The following SAMD12 variants were observed in gnomAD, a reference collection of about 807,000 sequenced individuals.
SAMD12 encodes the protein sterile alpha motif domain containing 12.
In SAMD12, 9 loss-of-function variants were observed where a neutral mutation model predicts 15.0. That is an observed-to-expected ratio of 0.60 (90% confidence interval 0.36 to 1.05). The LOEUF is 1.05. SAMD12 is among the 50% of genes least tolerant of loss of function. The probability of loss-of-function intolerance (pLI) is 0.01; values close to 1 mark genes in which losing one functional copy is unlikely to be tolerated. For missense variants in SAMD12, 230 were observed against 234.2 expected (o/e 0.98, Z 0.12); for synonymous variants, 86 against 90.1 (o/e 0.96, Z 0.25).
intron 2 of SAMD12, among the ~76,000 whole-genome samples, chr8:118,552,581 A>C (rs1035043480): frequency 3.9e-5 from 6 of 152,238 alleles, no homozygotes; most frequent in African/African-American, 1.4e-4. Context: ...ATCATATTGA[A>C]TGGGCAAAAA....
intron 2 of SAMD12, among the ~76,000 whole-genome samples, chr8:118,531,476 T>C (rs559296143): frequency 7.9e-5 from 12 of 152,330 alleles, no homozygotes; most frequent in African/African-American, 2.9e-4. Context: ...AAGTCATTGA[T>C]AGCTTGATGG....
chr8:118,336,124 T>G (rs1471587985), intron 4 of SAMD12, among the ~76,000 whole-genome samples: 1 of 152,230 alleles, frequency 6.6e-6, no homozygotes, highest in Non-Finnish European at 1.5e-5. Context: ...TTGGCATCAG[T>G]AATCTGATGC....
At chr8:118,467,450 T>G (rs1823627383) in intron 2 of SAMD12, among the ~76,000 whole-genome samples, 1 of 152,230 alleles carries the variant, frequency 6.6e-6, no homozygotes, top group Admixed American at 6.5e-5. Context: ...TTTTGTTTTA[T>G]ATTTCAAAAG....
At chr8:118,166,193 G>GT in the SAMD12 span, among the ~76,000 whole-genome samples, 3 of 152,100 alleles carry the variant, frequency 2.0e-5, no homozygotes, top group Admixed American at 2.0e-4. Context: ...GGTCAAAAAT[G>GT]GATATAAGGG....
chr8:118,497,502 T>A (rs557679908), intron 2 of SAMD12, among the ~76,000 whole-genome samples: 5 of 151,994 alleles, frequency 3.3e-5, no homozygotes, highest in Non-Finnish European at 5.9e-5. Context: ...CACTTATAAG[T>A]GGGAGCTAAA....
chr8:118,137,183 C>T, the SAMD12 span, among the ~76,000 whole-genome samples: 12 of 152,302 alleles, frequency 7.9e-5, no homozygotes, highest in Admixed American at 7.8e-4. Context: ...TCACTCTATG[C>T]AAATGAAGTA....
the SAMD12 span, among the ~76,000 whole-genome samples, chr8:118,182,530 T>C: frequency 1.8e-4 from 27 of 152,360 alleles, no homozygotes; most frequent in East Asian, 5.0e-3. Context: ...TGAATTTTGC[T>C]TATTTATAGC....
At chr8:118,426,466 C>T (rs1239005317) in intron 3 of SAMD12, among the ~76,000 whole-genome samples, 5 of 152,156 alleles carry the variant, frequency 3.3e-5, no homozygotes, top group Non-Finnish European at 7.3e-5. Flanking sequence ...AACTACAGTC[C>T]ATGTGGTTCT....
the SAMD12 span, among the ~76,000 whole-genome samples, chr8:118,133,619 C>A: frequency 6.6e-6 from 1 of 152,062 alleles, no homozygotes; most frequent in East Asian, 1.9e-4. Flanking sequence ...ATTATGAATT[C>A]TTTAAGGACA....
intron 4 of SAMD12, among the ~76,000 whole-genome samples, chr8:118,271,788 T>C (rs1450851780): frequency 6.6e-6 from 1 of 152,208 alleles, no homozygotes; most frequent in Non-Finnish European, 1.5e-5. Flanking sequence ...CTCCTTTGAC[T>C]CCTTGTCTTA....
At chr8:118,475,771 G>A (rs1174286642) in intron 2 of SAMD12, among the ~76,000 whole-genome samples, 2 of 152,190 alleles carry the variant, frequency 1.3e-5, no homozygotes, top group Non-Finnish European at 2.9e-5. Context: ...AGCCTTTTGG[G>A]AAAATCTTGT....
At chr8:118,263,498 T>C (rs539951387) in intron 4 of SAMD12, among the ~76,000 whole-genome samples, 49 of 152,150 alleles carry the variant, frequency 3.2e-4, no homozygotes, top group African/African-American at 1.1e-3. Flanking sequence ...CAGACAAATG[T>C]ACCCCAGAAA....
At chr8:118,318,353 T>C (rs202128559) in intron 4 of SAMD12, among the ~76,000 whole-genome samples, 3,326 of 87,676 alleles carry the variant, frequency 0.038, 172 homozygotes, top group African/African-American at 0.11. Context: ...TATATATATA[T>C]ATACATATAT....
chr8:118,161,355 G>A, the SAMD12 span, among the ~76,000 whole-genome samples: 1 of 152,064 alleles, frequency 6.6e-6, no homozygotes, highest in African/African-American at 2.4e-5. Context: ...AGGCTAAGGT[G>A]GGAGGATCGC....
At position 118,379,578 on chromosome 8, in the gene SAMD12, G is replaced by A. The variant is rs1213516371; in HGVS notation, c.445C>T (p.Leu149=). The change falls in exon 4 of 4, where the codon CTA becomes TTA. Residue 149 remains leucine (L), a synonymous_variant. Transcript: ENST00000314727. ...AGGGTACCTTGTGTGAGTAACTGTA[G>A]ATTTCTGACTTCTTCTCGCACCTTC... ...QLKVREEVRN[L]QLLTQGTLLL... 3 of 1,613,936 alleles carry A rather than the reference G, an allele frequency of 1.9e-6. No individual in the cohort carries two copies. The Admixed American group carries it at 5.0e-5, about 27-fold the overall frequency.
chr8:118,251,890 C>A (rs1457501291), intron 4 of SAMD12, among the ~76,000 whole-genome samples: 1 of 151,612 alleles, frequency 6.6e-6, no homozygotes, highest in Non-Finnish European at 1.5e-5. Context: ...GAGGAGTCTT[C>A]CTCGGGGAAA....
intron 3 of SAMD12, among the ~76,000 whole-genome samples, chr8:118,429,596 T>C (rs559952694): frequency 6.6e-6 from 1 of 152,196 alleles, no homozygotes; most frequent in African/African-American, 2.4e-5. Context: ...AGAACAATAT[T>C]TAATAGAAGG....
intron 3 of SAMD12, among the ~76,000 whole-genome samples, chr8:118,436,543 C>T (rs4242580): frequency 0.48 from 72,392 of 151,892 alleles, 18,513 homozygotes; most frequent in Admixed American, 0.59. Flanking sequence ...GTATATAACA[C>T]TGATATAACA....
chr8:118,388,142 GC>G (rs1820063608), intron 3 of SAMD12, among the ~76,000 whole-genome samples: 1 of 152,198 alleles, frequency 6.6e-6, no homozygotes, highest in Non-Finnish European at 1.5e-5. Context: ...ACAGGGAACA[GC>G]ATAGGCAAAG....
Sources: allele counts gnomAD v4.1 joint callset (sites outside exome capture counted in the v4.1 genomes callset), GRCh38; gene constraint gnomAD v4.1.1; transcripts MANE v1.5; gene names NCBI Gene and HGNC (gene_info 2026-07-23, HGNC 2026-07-21).